The following CCDC198 variants were observed in gnomAD, a reference collection of about 807,000 sequenced individuals.
CCDC198 encodes factor associated with metabolism and energy.
CCDC198 carries 18 observed loss-of-function variants against 35.6 expected under a neutral mutation model. The ratio of observed to expected loss-of-function variants is 0.51; its 90% CI spans 0.35 to 0.75. The LOEUF (loss-of-function observed/expected upper bound fraction) is 0.75, where lower values mean the gene tolerates loss of function less well. CCDC198 is among the 30% of genes least tolerant of loss of function. CCDC198 has a pLI of 0.01. For synonymous variants in CCDC198, 119 were observed against 113.4 expected, an observed-to-expected ratio of 1.05 and a Z score of -0.31; for missense variants, 365 against 343.7, an observed-to-expected ratio of 1.06 and a Z score of -0.49.
chr14:57,482,811 G>T (rs969901123), intron 3 of CCDC198, among the ~76,000 whole-genome samples: 7 of 152,150 alleles, frequency 4.6e-5, no homozygotes. Context: ...CATCTACATT[G>T]CCCTGGTTTT....
At chr14:57,482,539 A>G (rs982353450) in intron 3 of CCDC198, among the ~76,000 whole-genome samples, 1 of 152,174 alleles carries the variant, frequency 6.6e-6, no homozygotes, top group African/African-American at 2.4e-5. Flanking sequence ...CTAAGCTTTC[A>G]TTTCTATGTG....
chr14:57,474,164 A>G (rs2066901015), intron 5 of CCDC198, among the ~76,000 whole-genome samples: 1 of 152,248 alleles, frequency 6.6e-6, no homozygotes, highest in Non-Finnish European at 1.5e-5. Flanking sequence ...TGAAACGACC[A>G]CACAATGCCT....
intron 5 of CCDC198, among the ~76,000 whole-genome samples, chr14:57,474,860 G>C (rs1417365700): frequency 6.6e-6 from 1 of 152,160 alleles, no homozygotes; most frequent in African/African-American, 2.4e-5. Context: ...GGTAGTAGAA[G>C]AATCACGTAA....
rs268815 is a variant in CCDC198, at chr14:57,493,426, C to G, written c.223+67G>C. 37,544 of 1,310,112 alleles carry G rather than the reference C, an allele frequency of 0.029. 7,509 individuals are homozygous for G. The African/African-American group carries it at 0.46, about 16-fold the overall frequency. 81.2% of individuals were successfully genotyped at this position (1,310,112 alleles called of 1,614,324 possible). ...AACTTTCTGAGATCATGGAGACAGT[C>G]AGATAAACCTATTAATAATGCTCCT... On this transcript the variant is annotated intron_variant, in intron 1 of 5. Transcript: ENST00000216445.
At position 57,475,321 on chromosome 14, in the gene CCDC198, A is replaced by G. The variant is rs2066947040; in HGVS notation, c.656-3731T>C. 4.3e-6 allele frequency: 4 copies of G among 931,214 alleles called. 1 individual carries two copies. The South Asian group carries it at 2.0e-4, about 46-fold the overall frequency. The allele number at this position is 931,214 out of a possible 1,614,324, so 57.7% of individuals were successfully genotyped here. On this transcript the variant is annotated intron_variant, in intron 5 of 5. Coordinates refer to ENST00000216445, the MANE Select transcript of CCDC198 (RefSeq NM_018168.4). ...ATAAAATCTATAAAAAAATAAAATA[A>G]AACAAGATTCTTTATAGAAAGAGTG...
intron 5 of CCDC198, among the ~76,000 whole-genome samples, chr14:57,473,932 GC>G (rs1244175258): frequency 6.6e-6 from 1 of 152,132 alleles, no homozygotes; most frequent in African/African-American, 2.4e-5. Context: ...TTTTGCACAT[GC>G]TGTGGTTGAT....
chr14:57,473,324 G>A (rs2139461056), intron 5 of CCDC198, among the ~76,000 whole-genome samples: 1 of 152,262 alleles, frequency 6.6e-6, no homozygotes, highest in Non-Finnish European at 1.5e-5. Flanking sequence ...TGTAAAACTG[G>A]ACACCTCCAC....
chr14:57,484,096 A>T (rs1221350355), intron 2 of CCDC198, among the ~76,000 whole-genome samples: 1 of 152,194 alleles, frequency 6.6e-6, no homozygotes, highest in Non-Finnish European at 1.5e-5. Context: ...GAAGGACTCC[A>T]CCTGAAAAAC....
intron 5 of CCDC198, among the ~76,000 whole-genome samples, chr14:57,473,835 C>G (rs1029076222): frequency 2.0e-5 from 3 of 152,132 alleles, no homozygotes; most frequent in Non-Finnish European, 4.4e-5. Flanking sequence ...GTGATTTGGC[C>G]CTGCCCATGT....
chr14:57,493,509 A>G lies in CCDC198; in HGVS notation c.207T>C (p.Tyr69=). The G allele has an allele frequency of 6.2e-7, 1 of 1,613,830 alleles. No individual in the cohort carries two copies. The highest frequency in any genetic ancestry group is 8.5e-7 in the Non-Finnish European group (1 of 1,179,788). The change falls in exon 1 of 6, where the codon TAT becomes TAC. Residue 69 remains tyrosine, a synonymous_variant. Coordinates refer to ENST00000216445, the MANE Select transcript of CCDC198 (RefSeq NM_018168.4). Reference sequence around the variant, plus strand: ...TATGTTTACCTGTAGAATATCTTCCATACCAGTTTTCTTGTAAAGGTGGCA... The same window carrying G: ...TATGTTTACCTGTAGAATATCTTCCGTACCAGTTTTCTTGTAAAGGTGGCA... The part of the protein sequence containing the change: ...GQLPPLQENW[Y]GRYSTASRDM...
chr14:57,486,930 T>C (rs1374131984), intron 2 of CCDC198, among the ~76,000 whole-genome samples: 3 of 152,192 alleles, frequency 2.0e-5, no homozygotes, highest in Non-Finnish European at 2.9e-5. Context: ...GGAATCACAC[T>C]ATTCCTTCAC....
intron 5 of CCDC198, among the ~76,000 whole-genome samples, chr14:57,479,665 C>T (rs1339144955): frequency 2.0e-5 from 3 of 152,042 alleles, no homozygotes; most frequent in African/African-American, 2.4e-5. Context: ...CTTTAATTAC[C>T]GAGTAGAGTT....
At chr14:57,481,149 G>GT (rs1041083114) in intron 4 of CCDC198, among the ~76,000 whole-genome samples, 59 of 151,924 alleles carry the variant, frequency 3.9e-4, no homozygotes, top group African/African-American at 1.2e-3. Context: ...TTGGTTGGTT[G>GT]TTTTTTTTAC....
chr14:57,471,314 G>A lies in CCDC198; in HGVS notation c.*41C>T, dbSNP rs2066810160. On this transcript the variant is annotated 3_prime_UTR_variant, in exon 6 of 6. Coordinates refer to ENST00000216445, the MANE Select transcript of CCDC198 (RefSeq NM_018168.4). ...TTGGAAGATTTTGAGAGTAAAACAA[G>A]CTTTCAAAGCACTCAGTTTCTAGGT... 3 of 1,452,014 alleles carry A rather than the reference G, an allele frequency of 2.1e-6. No homozygotes were observed. The highest frequency in any genetic ancestry group is 1.2e-5 in the South Asian group (1 of 82,686). The allele number at this position is 1,452,014 out of a possible 1,614,324, so 89.9% of individuals were successfully genotyped here.
chr14:57,491,153 T>TCAAGTAAGATGAA, intron 1 of CCDC198, 82 bp from the exon 2 acceptor site: 1 of 1,391,794 alleles, frequency 7.2e-7, no homozygotes, highest in South Asian at 1.2e-5. Flanking sequence ...TTACTAGACT[T>TCAAGTAAGATGAA]TGTCAACACA....
intron 5 of CCDC198, chr14:57,475,438 A>G (rs1428064450): frequency 2.4e-6 from 3 of 1,229,960 alleles, no homozygotes; most frequent in Admixed American, 3.1e-5. Flanking sequence ...TGTTTTCACT[A>G]TAAGACATCA....
intron 5 of CCDC198, among the ~76,000 whole-genome samples, chr14:57,479,821 T>G (rs756517132): frequency 1.3e-5 from 2 of 152,204 alleles, no homozygotes; most frequent in Non-Finnish European, 2.9e-5. Flanking sequence ...TCCCAGGTGA[T>G]GCTGATGCTG....
chr14:57,490,116 T>C (rs1391428720), intron 2 of CCDC198, among the ~76,000 whole-genome samples: 1 of 152,076 alleles, frequency 6.6e-6, no homozygotes, highest in Non-Finnish European at 1.5e-5. Flanking sequence ...CCCCAACAAA[T>C]GAGCTCCAGT....
intron 2 of CCDC198, among the ~76,000 whole-genome samples, chr14:57,486,107 G>T (rs1382233083): frequency 6.6e-6 from 1 of 152,176 alleles, no homozygotes; most frequent in East Asian, 1.9e-4. Flanking sequence ...ACCTATGGGA[G>T]GAAGAATCAG....
Sources: gnomAD v4.1 joint callset for allele counts (sites outside exome capture counted in the v4.1 genomes callset) on GRCh38, gnomAD v4.1.1 for gene constraint, MANE v1.5 for transcripts, NCBI Gene and HGNC (gene_info 2026-07-23, HGNC 2026-07-21) for gene names.